The following ZNF431 variants were observed in gnomAD, a reference collection of about 807,000 sequenced individuals.
The protein encoded by ZNF431 is zinc finger protein 431.
In ZNF431, 34 loss-of-function variants were observed where a neutral mutation model predicts 57.0. The ratio of observed to expected loss-of-function variants is 0.60; its 90% CI spans 0.45 to 0.79. The LOEUF is 0.79. Ranked by LOEUF, ZNF431 falls within the 30% of genes least tolerant of loss-of-function variation. The pLI is 0.00. For synonymous variants in ZNF431, 207 were observed against 220.3 expected (o/e 0.94, Z 0.54); for missense variants, 607 against 667.1 (o/e 0.91, Z 0.99).
At chr19:21,178,267 A>AG (rs779055694) in intron 4 of ZNF431, among the ~76,000 whole-genome samples, 3 of 152,148 alleles carry the variant, frequency 2.0e-5, no homozygotes, top group Non-Finnish European at 4.4e-5. Flanking sequence ...ATCTACAAAC[A>AG]GAGACAGTTT....
rs1971405368 is a variant in ZNF431, at chr19:21,187,541, C to T, written c.*3507C>T. On this transcript the variant is annotated 3_prime_UTR_variant, in exon 5 of 5. Coordinates refer to ENST00000311048, the MANE Select transcript of ZNF431 (RefSeq NM_133473.4). ...ATCACTTGAGGTCGGGAGTTTGAGA[C>T]CAGGTGACCAACATGGAGAAACTCC... 1 of 151,266 alleles carries T rather than the reference C, an allele frequency of 6.6e-6. No homozygotes were observed. Among genetic ancestry groups the T allele is most frequent in the African/African-American group, 2.4e-5 (1 of 41,136 alleles). 9.4% of individuals were successfully genotyped at this position (151,266 alleles called of 1,614,324 possible).
Position 21,189,932 on chromosome 19 carries a change from C to G in ZNF431, c.*5898C>G, listed in dbSNP as rs1971471606. On this transcript the variant is annotated 3_prime_UTR_variant, in exon 5 of 5. Coordinates refer to ENST00000311048, the MANE Select transcript of ZNF431 (RefSeq NM_133473.4). ...GCCAAGGCCAGTGGATTGCTTGAGCCCAGGAGTTTGAGACCAGCCTGGACA... is the reference window on the plus strand; with the variant it reads ...GCCAAGGCCAGTGGATTGCTTGAGCGCAGGAGTTTGAGACCAGCCTGGACA... 2.5e-6 allele frequency: 1 copy of G among 397,632 alleles called. No homozygotes were observed. Among genetic ancestry groups the G allele is most frequent in the African/African-American group, 2.1e-5 (1 of 48,534 alleles). 24.6% of individuals were successfully genotyped at this position (397,632 alleles called of 1,614,324 possible).
intron 4 of ZNF431, among the ~76,000 whole-genome samples, chr19:21,174,793 A>G (rs922003948): frequency 1.3e-5 from 2 of 151,840 alleles, no homozygotes; most frequent in Admixed American, 1.3e-4. Context: ...TTTTTTTGAG[A>G]TGGCATCTCG....
intron 4 of ZNF431, among the ~76,000 whole-genome samples, chr19:21,172,198 G>A (rs1970917242): frequency 1.3e-5 from 2 of 151,444 alleles, no homozygotes; most frequent in South Asian, 2.1e-4. Flanking sequence ...GGAGGCAGAG[G>A]CAGGCAGATC....
intron 4 of ZNF431, 40 bp downstream of exon 4, chr19:21,167,706 G>T: frequency 2.1e-6 from 3 of 1,424,826 alleles, no homozygotes; most frequent in Admixed American, 2.2e-5. Context: ...ACAGATGAGA[G>T]GTCCAAAGCT....
At chr19:21,177,693 CAGG>C (rs1225092095) in intron 4 of ZNF431, among the ~76,000 whole-genome samples, 4 of 152,090 alleles carry the variant, frequency 2.6e-5, no homozygotes, top group Non-Finnish European at 5.9e-5. Context: ...GAGGCTGAGG[CAGG>C]AGAATCGCTT....
In ZNF431 at chr19:21,195,309, A is replaced by G. The variant is rs941806384; in HGVS notation, c.*11275A>G. ...CTGCCTTAAAATTTGATACCTGGTA[A>G]CTTCTCTCTGTGAGTTTTGAATTGG... On this transcript the variant is annotated 3_prime_UTR_variant, in exon 5 of 5. Coordinates refer to ENST00000311048, the MANE Select transcript of ZNF431 (RefSeq NM_133473.4). 6 of 152,226 alleles carry G rather than the reference A, an allele frequency of 3.9e-5. No individual in the cohort carries two copies. Among genetic ancestry groups the G allele is most frequent in the African/African-American group, 1.4e-4 (6 of 41,460 alleles). The allele number at this position is 152,226 out of a possible 1,614,324, so 9.4% of individuals were successfully genotyped here.
chr19:21,162,254 A>G (rs1315093336), intron 2 of ZNF431, among the ~76,000 whole-genome samples: 1 of 151,350 alleles, frequency 6.6e-6, no homozygotes, highest in Non-Finnish European at 1.5e-5. Context: ...GCACACTGCA[A>G]CCTCCATCTA....
intron 4 of ZNF431, among the ~76,000 whole-genome samples, chr19:21,177,288 C>G (rs941510828): frequency 2.0e-5 from 3 of 152,106 alleles, no homozygotes; most frequent in Admixed American, 6.6e-5. Context: ...AAAGGGAATC[C>G]TTTTCCATTG....
chr19:21,173,972 G>A (rs1474205801), intron 4 of ZNF431, among the ~76,000 whole-genome samples: 3 of 146,570 alleles, frequency 2.0e-5, no homozygotes, highest in Non-Finnish European at 4.5e-5. Context: ...TTTTTTGGGA[G>A]TCTCACTCTC....
In ZNF431 at chr19:21,192,383, G is replaced by T. The variant is rs547783866; in HGVS notation, c.*8349G>T. The stretch of plus-strand genomic sequence containing the variant: ...GGGTTTCCCTACGTTGGCCAGACTG[G>T]TCTTGAACTCCTGACCTTGTGATCC... On this transcript the variant is annotated 3_prime_UTR_variant, in exon 5 of 5. Coordinates refer to ENST00000311048, the MANE Select transcript of ZNF431 (RefSeq NM_133473.4). The T allele has an allele frequency of 6.6e-6, 1 of 152,210 alleles. No individual in the cohort carries two copies. The highest frequency in any genetic ancestry group is 1.5e-5 in the Non-Finnish European group (1 of 68,034). The allele number at this position is 152,210 out of a possible 1,614,324, so 9.4% of individuals were successfully genotyped here.
intron 2 of ZNF431, among the ~76,000 whole-genome samples, chr19:21,146,430 AGAAG>A (rs1970098941): frequency 6.7e-6 from 1 of 149,716 alleles, no homozygotes; most frequent in Non-Finnish European, 1.5e-5. Flanking sequence ...AAAAAAAAGA[AGAAG>A]AAAGAAAGTA....
chr19:21,142,078 C>G lies in ZNF431; in HGVS notation c.-106C>G. The G allele has an allele frequency of 1.3e-6, 2 of 1,486,650 alleles. No individual in the cohort carries two copies. Among genetic ancestry groups the G allele is most frequent in the East Asian group, 4.5e-5 (2 of 44,016 alleles). The allele number at this position is 1,486,650 out of a possible 1,614,324, so 92.1% of individuals were successfully genotyped here. On this transcript the variant is annotated 5_prime_UTR_variant, in exon 1 of 5. Coordinates refer to ENST00000311048, the MANE Select transcript of ZNF431 (RefSeq NM_133473.4). The stretch of plus-strand genomic sequence containing the variant: ...GCCTGAGCTCCAGGTCTCCCCTTCG[C>G]TGCTCTGTGTCCTCTGCTCCTAGAG...
intron 4 of ZNF431, among the ~76,000 whole-genome samples, chr19:21,172,832 AT>A (rs1308880679): frequency 2.0e-5 from 3 of 152,184 alleles, no homozygotes. Flanking sequence ...TGTTAAATAT[AT>A]TCACATTGTT....
intron 4 of ZNF431, among the ~76,000 whole-genome samples, chr19:21,180,030 C>T (rs7247730): frequency 0.6 from 91,017 of 151,760 alleles, 27,592 homozygotes; most frequent in Middle Eastern, 0.8. Context: ...GGATTACAGG[C>T]GCCCACCACC....
intron 2 of ZNF431, among the ~76,000 whole-genome samples, chr19:21,153,557 T>C (rs1257778093): frequency 2.0e-5 from 3 of 152,282 alleles, no homozygotes; most frequent in Non-Finnish European, 2.9e-5. Flanking sequence ...TGTGCTTCAT[T>C]GTTCCCCACC....
Position 21,183,291 on chromosome 19 carries a change from A to G in ZNF431, c.988A>G (p.Thr330Ala). ...ECGKAFNQSS[T>A]LSTHKFIHAG... ...TGGCAAAGCTTTTAACCAGTCTTCAACCCTTAGTACACATAAGTTCATTCA... is the reference window on the plus strand; with the variant it reads ...TGGCAAAGCTTTTAACCAGTCTTCAGCCCTTAGTACACATAAGTTCATTCA... The change falls in exon 5 of 5, where the codon ACC becomes GCC. Residue 330 changes from threonine to alanine, a missense_variant. Transcript: ENST00000311048. The G allele has an allele frequency of 6.2e-7, 1 of 1,613,690 alleles. No homozygotes were observed. The highest frequency in any genetic ancestry group is 8.5e-7 in the Non-Finnish European group (1 of 1,179,868).
At chr19:21,169,121 G>T (rs1476018123) in intron 4 of ZNF431, among the ~76,000 whole-genome samples, 1 of 151,170 alleles carries the variant, frequency 6.6e-6, no homozygotes, top group Non-Finnish European at 1.5e-5. Context: ...CACTCTGTTG[G>T]CCAGGCTGGT....
rs29725 is a variant in ZNF431, at chr19:21,193,397, T to C, written c.*9363T>C. The C allele has an allele frequency of 0.94, 143,302 of 152,300 alleles. 67,702 individuals are homozygous for C. Among genetic ancestry groups the C allele is most frequent in the Middle Eastern group, 0.98 (289 of 294 alleles). 9.4% of individuals were successfully genotyped at this position (152,300 alleles called of 1,614,324 possible). ...ACAAAATTAGCCAGGCGTGGTGGCATATGTCTGTAATCCCAGCTACTCGGG... is the reference window on the plus strand; with the variant it reads ...ACAAAATTAGCCAGGCGTGGTGGCACATGTCTGTAATCCCAGCTACTCGGG... On this transcript the variant is annotated 3_prime_UTR_variant, in exon 5 of 5. Transcript: ENST00000311048.
Sources: gnomAD v4.1 joint callset for allele counts (sites outside exome capture counted in the v4.1 genomes callset) on GRCh38, gnomAD v4.1.1 for gene constraint, MANE v1.5 for transcripts, NCBI Gene and HGNC (gene_info 2026-07-23, HGNC 2026-07-21) for gene names.